The following SLC28A3 variants were observed in gnomAD, a reference collection of about 807,000 sequenced individuals.
SLC28A3 encodes the protein solute carrier family 28 member 3, also known as concentrative Na(+)-nucleoside cotransporter 3.
Under a neutral mutation model 84.2 loss-of-function variants are expected in SLC28A3, and 68 were observed. The observed-to-expected ratio is 0.81, with a 90% CI of 0.66 to 0.99. The LOEUF (loss-of-function observed/expected upper bound fraction) is 0.99, where lower values mean the gene tolerates loss of function less well. Ranked by LOEUF, SLC28A3 falls within the 50% of genes least tolerant of loss-of-function variation. SLC28A3 has a pLI of 0.00. For synonymous variants in SLC28A3, 267 were observed against 303.6 expected, an observed-to-expected ratio of 0.88 and a Z score of 1.25; for missense variants, 712 against 841.5, an observed-to-expected ratio of 0.85 and a Z score of 1.90.
At chr9:84,285,576 T>C in intron 13 of SLC28A3, 34 bp from the exon 14 acceptor site, 2 of 1,610,922 alleles carry the variant, frequency 1.2e-6, no homozygotes, top group South Asian at 1.1e-5. Flanking sequence ...TTGATTAGAA[T>C]AGTGATTTGC....
chr9:84,292,719 T>C lies in SLC28A3; in HGVS notation c.972A>G (p.Gly324=). 6.2e-7 allele frequency: 1 copy of C among 1,605,140 alleles called. No individual in the cohort carries two copies. The highest frequency in any genetic ancestry group is 8.5e-7 in the Non-Finnish European group (1 of 1,176,976). The change falls in exon 10 of 18, where the codon GGA becomes GGG. Residue 324 remains glycine, a synonymous_variant. Transcript: ENST00000376238. ...KVGWIMLVTT[G]SSPIESVVAS... The stretch of plus-strand genomic sequence containing the variant: ...CAACTACAGATTCAATAGGAGATGA[T>C]CCCGTAGTAACTAGCATGATCCATC...
the SLC28A3 span, among the ~76,000 whole-genome samples, chr9:84,350,253 C>T: frequency 6.6e-6 from 1 of 152,194 alleles, no homozygotes; most frequent in South Asian, 2.1e-4. Flanking sequence ...ACCAGCCTGA[C>T]TAATGTGGTG....
chr9:84,290,064 T>C (rs543523765), intron 11 of SLC28A3, 90 bp downstream of exon 11: 2 of 1,533,482 alleles, frequency 1.3e-6, no homozygotes, highest in African/African-American at 2.8e-5. Context: ...TCTCTTGGCC[T>C]CCTTTTTCCA....
rs1353923490 is a variant in SLC28A3, at chr9:84,280,882, T to C, written c.1648A>G (p.Ile550Val). 2 of 1,613,994 alleles carry C rather than the reference T, an allele frequency of 1.2e-6. No individual in the cohort carries two copies. The highest frequency in any genetic ancestry group is 1.7e-6 in the Non-Finnish European group (2 of 1,179,964). ...FVNGVQQYISIRSEIIATYAL... is the reference protein window; with the variant it reads ...FVNGVQQYISVRSEIIATYAL... Reference sequence around the variant, plus strand: ...TAAGTGGCGATTATCTCAGAACGAATCTGTAAGCAAGCATAAACACATATG... The same window carrying C: ...TAAGTGGCGATTATCTCAGAACGAACCTGTAAGCAAGCATAAACACATATG... Residue 550 changes from isoleucine to valine, a missense_variant and splice_region_variant, in exon 15 of 18, where the codon ATT (isoleucine) becomes GTT (valine). Coordinates refer to ENST00000376238, the MANE Select transcript of SLC28A3 (RefSeq NM_001199633.2).
intron 3 of SLC28A3, 98 bp downstream of exon 3, chr9:84,309,531 A>AG: frequency 1.2e-5 from 8 of 675,992 alleles, no homozygotes; most frequent in Middle Eastern, 9.9e-4. Flanking sequence ...CTCAAAAAAA[A>AG]AAAAAAAAAA....
Position 84,292,682 on chromosome 9 carries a change from T to C in SLC28A3, c.1009A>G (p.Ile337Val). 1.2e-6 allele frequency: 2 copies of C among 1,609,958 alleles called. No homozygotes were observed. The highest frequency in any genetic ancestry group is 1.7e-6 in the Non-Finnish European group (2 of 1,178,532). The change falls in exon 10 of 18, where the codon ATA (isoleucine) becomes GTA (valine). Residue 337 changes from isoleucine to valine, a missense_variant. By Grantham distance (29) the Ile-to-Val change is conservative (BLOSUM62 3). Coordinates refer to ENST00000376238, the MANE Select transcript of SLC28A3 (RefSeq NM_001199633.2). ...TTACAACTTACTTGTCCAACAAATA[T>C]ATTGCCAGAAGCAACTACAGATTCA... ...PIESVVASGN[I>V]FVGQTESPLL...
chr9:84,306,994 C>CAAAAAA (rs150442323), intron 3 of SLC28A3, among the ~76,000 whole-genome samples: 1 of 25,940 alleles, frequency 3.9e-5, no homozygotes, highest in African/African-American at 1.5e-4. Context: ...CTTGTCTCTA[C>CAAAAAA]AAAAAAAAAA....
rs190657298 is a variant in SLC28A3, at chr9:84,332,042, G to C, written c.60+8532C>G. Among the ~76,000 whole-genome samples the C allele has an allele frequency of 1.5e-3, 228 of 152,328 alleles. 1 individual carries two copies. The highest frequency in any genetic ancestry group is 5.4e-3 in the African/African-American group (224 of 41,564). On this transcript the variant is annotated intron_variant, in intron 1 of 17. Coordinates refer to ENST00000376238, the MANE Select transcript of SLC28A3 (RefSeq NM_001199633.2). ...AATGCCAAAATAAGTGGATGTTCGT[G>C]TGGAAAGCAAACTTGACTCCTACCT...
intron 4 of SLC28A3, among the ~76,000 whole-genome samples, chr9:84,304,839 C>G (rs539100493): frequency 7.9e-4 from 121 of 152,220 alleles, no homozygotes; most frequent in Non-Finnish European, 8.4e-4. Context: ...CCGGCCAACA[C>G]AGTGAAACCC....
At chr9:84,352,709 AC>A in the SLC28A3 span, among the ~76,000 whole-genome samples, 1 of 150,994 alleles carries the variant, frequency 6.6e-6, no homozygotes, top group South Asian at 2.1e-4. Context: ...ACATTGTGAA[AC>A]CCTGTCTCTA....
At chr9:84,286,192 A>C (rs1824980096) in intron 12 of SLC28A3, 81 bp from the exon 13 acceptor site, 1 of 1,389,874 alleles carries the variant, frequency 7.2e-7, no homozygotes, top group Non-Finnish European at 9.9e-7. Context: ...TAGCATAATC[A>C]GAGCTTAGAT....
intron 1 of SLC28A3, among the ~76,000 whole-genome samples, chr9:84,330,230 C>A (rs1482428078): frequency 2.0e-5 from 3 of 150,862 alleles, no homozygotes; most frequent in African/African-American, 7.3e-5. Flanking sequence ...AACCTCCCAA[C>A]AAGGAAATGT....
chr9:84,303,261 A>G (rs1018469255), intron 4 of SLC28A3, among the ~76,000 whole-genome samples: 5 of 152,160 alleles, frequency 3.3e-5, no homozygotes, highest in Non-Finnish European at 5.9e-5. Context: ...TGGAAGACTC[A>G]TTTCTCTATC....
At chr9:84,329,230 A>T (rs1222626509) in intron 1 of SLC28A3, among the ~76,000 whole-genome samples, 2 of 152,224 alleles carry the variant, frequency 1.3e-5, no homozygotes, top group African/African-American at 2.4e-5. Flanking sequence ...TGAAGCAAAA[A>T]CTGACAGAAT....
chr9:84,334,789 C>G (rs1826911764), intron 1 of SLC28A3, among the ~76,000 whole-genome samples: 1 of 151,956 alleles, frequency 6.6e-6, no homozygotes, highest in South Asian at 2.1e-4. Context: ...ACAAACTTCT[C>G]CTCCTTCCCC....
rs890001815 is a variant in SLC28A3 at position 84,280,070 on chromosome 9, G to A, written c.1733C>T (p.Ser578Phe). Residue 578 changes from serine to phenylalanine, a missense_variant, in exon 16 of 18, where the codon TCC (serine) becomes TTC (phenylalanine). Coordinates refer to ENST00000376238, the MANE Select transcript of SLC28A3 (RefSeq NM_001199633.2). ...SLGIVIGGLT[S>F]MAPSRKRDIA... is the part of the protein sequence containing the mutation. ...ATCACGCTTTCTGGAAGGAGCCATGGATGCTGGGAAACATGGAAGGAGGGA... is the reference window on the plus strand; with the variant it reads ...ATCACGCTTTCTGGAAGGAGCCATGAATGCTGGGAAACATGGAAGGAGGGA... 1 of 1,613,554 alleles carries A rather than the reference G, an allele frequency of 6.2e-7. No individual in the cohort carries two copies. The highest frequency in any genetic ancestry group is 8.5e-7 in the Non-Finnish European group (1 of 1,179,824).
the SLC28A3 span, among the ~76,000 whole-genome samples, chr9:84,361,602 G>C: frequency 6.6e-6 from 1 of 152,118 alleles, no homozygotes; most frequent in East Asian, 1.9e-4. Context: ...TCTCCCGCGA[G>C]AGTGTTTTGT....
the SLC28A3 span, among the ~76,000 whole-genome samples, chr9:84,367,819 G>C: frequency 6.6e-6 from 1 of 152,182 alleles, no homozygotes; most frequent in Non-Finnish European, 1.5e-5. Flanking sequence ...GTGTAGCAAA[G>C]AGTAACAGAG....
chr9:84,289,611 C>T (rs1280919819), intron 11 of SLC28A3, among the ~76,000 whole-genome samples: 2 of 152,176 alleles, frequency 1.3e-5, no homozygotes, highest in East Asian at 3.9e-4. Flanking sequence ...TTCTAACGTG[C>T]AGAAAGGTTT....
Sources: allele counts gnomAD v4.1 joint callset (sites outside exome capture counted in the v4.1 genomes callset), GRCh38; gene constraint gnomAD v4.1.1; transcripts MANE v1.5; gene names NCBI Gene and HGNC (gene_info 2026-07-23, HGNC 2026-07-21).